The following ADAP2 variants were observed in gnomAD, a reference collection of about 807,000 sequenced individuals.
ADAP2 encodes ArfGAP with dual PH domains 2, also known as arf-GAP with dual PH domain-containing protein 2.
Under a neutral mutation model 54.9 loss-of-function variants are expected in ADAP2, and 42 were observed. The ratio of observed to expected loss-of-function variants is 0.77; its 90% CI spans 0.60 to 0.99. ADAP2 has a LOEUF of 0.99. Ranked by LOEUF, ADAP2 falls within the 50% of genes least tolerant of loss-of-function variation. The pLI, the probability that ADAP2 is intolerant of heterozygous loss-of-function variation, is 0.00. For missense variants in ADAP2, 429 were observed against 480.4 expected (o/e 0.89, Z 1.00); for synonymous variants, 177 against 180.1 (o/e 0.98, Z 0.14).
intron 7 of ADAP2, among the ~76,000 whole-genome samples, chr17:30,950,330 G>A (rs1280006144): frequency 6.6e-6 from 1 of 152,166 alleles, no homozygotes; most frequent in Non-Finnish European, 1.5e-5. Context: ...GGGCCAGGGA[G>A]ACCCGCATGG....
intron 6 of ADAP2, among the ~76,000 whole-genome samples, chr17:30,948,153 G>T (rs1159393398): frequency 6.6e-6 from 1 of 152,184 alleles, no homozygotes; most frequent in Non-Finnish European, 1.5e-5. Flanking sequence ...GTAGGTGTTG[G>T]GAGAATTGCA....
At position 30,957,881 on chromosome 17, in the gene ADAP2, AG is replaced by A. The variant is rs766493270; in HGVS notation, c.*14del. On this transcript the variant is annotated 3_prime_UTR_variant, in exon 11 of 11. Transcript: ENST00000330889. ...GCAGCAGCAGGTGACCCATTAACTG[AG>A]GAACTGGCTGCCACTGAACACCTGG... 3 of 1,612,140 alleles carry A rather than the reference AG, an allele frequency of 1.9e-6. No individual in the cohort carries two copies. The highest frequency in any genetic ancestry group is 2.5e-6 in the Non-Finnish European group (3 of 1,179,136).
intron 10 of ADAP2, 136 bp downstream of exon 10, chr17:30,956,605 C>T (rs1905091519): frequency 1.3e-5 from 11 of 870,568 alleles, no homozygotes; most frequent in South Asian, 1.2e-4. Context: ...TCTTCTCTTC[C>T]TGCAAAAGAA....
intron 2 of ADAP2, among the ~76,000 whole-genome samples, chr17:30,923,910 G>C (rs1910838785): frequency 6.6e-6 from 1 of 151,622 alleles, no homozygotes; most frequent in South Asian, 2.1e-4. Context: ...TGCCATGTTG[G>C]TCAGTCTGGT....
At chr17:30,956,203 G>T (rs1428525432) in intron 9 of ADAP2, 38 bp from the exon 10 acceptor site, 1 of 1,601,408 alleles carries the variant, frequency 6.2e-7, no homozygotes, top group East Asian at 2.2e-5. Flanking sequence ...CTCTGCCCTG[G>T]GGGCACCCTC....
At chr17:30,957,438 CT>C (rs1425060542) in intron 10 of ADAP2, among the ~76,000 whole-genome samples, 1 of 143,626 alleles carries the variant, frequency 7.0e-6, no homozygotes, top group Non-Finnish European at 1.5e-5. Context: ...TTTTAATTTT[CT>C]TTTTTTGAGG....
At chr17:30,945,670 C>A (rs946633145) in intron 6 of ADAP2, among the ~76,000 whole-genome samples, 10 of 151,838 alleles carry the variant, frequency 6.6e-5, no homozygotes, top group Admixed American at 3.3e-4. Context: ...GTGAGAGGAT[C>A]GCTTGAGCCT....
intron 2 of ADAP2, 59 bp downstream of exon 2, chr17:30,923,129 G>T (rs1467681402): frequency 2.4e-5 from 38 of 1,595,198 alleles, no homozygotes; most frequent in Non-Finnish European, 3.4e-6. Flanking sequence ...GAGGCAGCGG[G>T]CAGGGGGCTC....
intron 8 of ADAP2, 73 bp from the exon 9 acceptor site, chr17:30,954,400 TTGGGC>T: frequency 7.7e-7 from 1 of 1,294,792 alleles, no homozygotes; most frequent in Non-Finnish European, 1.1e-6. Context: ...CTCCTTTGGT[TTGGGC>T]TGGGCTGGCC....
chr17:30,953,143 A>G, intron 7 of ADAP2, 145 bp from the exon 8 acceptor site: 1 of 683,530 alleles, frequency 1.5e-6, no homozygotes. Flanking sequence ...TATTATGACC[A>G]TTGCACTTTC....
In ADAP2 at chr17:30,933,904, C is replaced by G. The variant is rs376465646; in HGVS notation, c.398-281C>G. Among the ~76,000 whole-genome samples, 6 of 152,320 alleles carry G rather than the reference C, an allele frequency of 3.9e-5. No individual in the cohort carries two copies. The East Asian group carries it at 9.6e-4, about 24-fold the overall frequency. On this transcript the variant is annotated intron_variant, in intron 4 of 10. Coordinates refer to ENST00000330889, the MANE Select transcript of ADAP2 (RefSeq NM_018404.3). ...TCAGAATCAGTCCAGTTTCTCAGGA[C>G]TTTGCCTTCTTAAGGGTCTTCTTAT...
chr17:30,922,028 A>G lies in ADAP2; in HGVS notation c.14A>G (p.Glu5Gly). MGDR[E>G]RNKKRLLELL... is the part of the protein sequence containing the mutation. ...GCCGGGCCGGCCATGGGCGATCGCG[A>G]GCGCAACAAGAAGCGGCTGCTGGAG... is the stretch of plus-strand genomic sequence containing the variant. Residue 5 changes from glutamate (E) to glycine (G), a missense_variant, in exon 1 of 11, where the codon GAG (glutamate) becomes GGG (glycine). By Grantham distance (98) the Glu-to-Gly change is moderately conservative. Coordinates refer to ENST00000330889, the MANE Select transcript of ADAP2 (RefSeq NM_018404.3). 7.8e-7 allele frequency: 1 copy of G among 1,277,802 alleles called. No individual in the cohort carries two copies. Among genetic ancestry groups the G allele is most frequent in the Admixed American group, 4.2e-5 (1 of 23,922 alleles). 79.2% of individuals were successfully genotyped at this position (1,277,802 alleles called of 1,614,324 possible).
chr17:30,938,575 A>G (rs933875905), intron 5 of ADAP2, among the ~76,000 whole-genome samples: 2 of 152,226 alleles, frequency 1.3e-5, no homozygotes, highest in African/African-American at 4.8e-5. Context: ...GGGGCATTCC[A>G]GTATTTAAAG....
At chr17:30,936,117 T>G (rs142770184) in intron 5 of ADAP2, among the ~76,000 whole-genome samples, 1 of 152,274 alleles carries the variant, frequency 6.6e-6, no homozygotes, top group African/African-American at 2.4e-5. Context: ...TCTATGGATT[T>G]GCCTAATCTG....
chr17:30,928,285 C>A (rs371986786), intron 3 of ADAP2, among the ~76,000 whole-genome samples: 8 of 151,454 alleles, frequency 5.3e-5, no homozygotes, highest in South Asian at 2.1e-4. Context: ...CACTCGAGGC[C>A]AGGAGTTCAA....
chr17:30,949,199 T>C, intron 6 of ADAP2, 88 bp from the exon 7 acceptor site: 1 of 1,074,748 alleles, frequency 9.3e-7, no homozygotes, highest in Non-Finnish European at 1.4e-6. Flanking sequence ...CCACACCCAA[T>C]GCCCAGCTAG....
chr17:30,951,344 C>T (rs1225831634), intron 7 of ADAP2, among the ~76,000 whole-genome samples: 1 of 152,038 alleles, frequency 6.6e-6, no homozygotes, highest in Non-Finnish European at 1.5e-5. Context: ...AATGGTTTCC[C>T]TAGGCCTCTG....
chr17:30,946,898 G>T (rs944219524), intron 6 of ADAP2, among the ~76,000 whole-genome samples: 2 of 152,136 alleles, frequency 1.3e-5, no homozygotes, highest in Non-Finnish European at 2.9e-5. Context: ...TTCCTAAGGG[G>T]CCCCTAGCAC....
chr17:30,945,106 G>T (rs1912569065), intron 6 of ADAP2, 53 bp downstream of exon 6: 3 of 1,594,042 alleles, frequency 1.9e-6, no homozygotes, highest in African/African-American at 1.3e-5. Flanking sequence ...CCAGGACTTG[G>T]CAGGTGCAGC....
Sources: allele counts gnomAD v4.1 joint callset (sites outside exome capture counted in the v4.1 genomes callset), GRCh38; gene constraint gnomAD v4.1.1; transcripts MANE v1.5; gene names NCBI Gene and HGNC (gene_info 2026-07-23, HGNC 2026-07-21).